RAPH1: variants seen among roughly 807,000 people sequenced by gnomAD.
RAPH1 encodes the protein ras-associated and pleckstrin homology domains-containing protein 1.
Under a neutral mutation model 88.1 loss-of-function variants are expected in RAPH1, and 18 were observed. The ratio of observed to expected loss-of-function variants is 0.20; its 90% CI spans 0.14 to 0.30. The LOEUF is 0.30. Among genes scored for constraint, RAPH1 ranks in the 10% least tolerant of loss-of-function variants. RAPH1 has a pLI of 1.00. For synonymous variants in RAPH1, 587 were observed against 559.0 expected, an observed-to-expected ratio of 1.05 and a Z score of -0.71; for missense variants, 1,448 against 1,543.2, an observed-to-expected ratio of 0.94 and a Z score of 1.03.
At chr2:203,492,730 A>G (rs190076341) in intron 2 of RAPH1, among the ~76,000 whole-genome samples, 7 of 152,304 alleles carry the variant, frequency 4.6e-5, no homozygotes, top group Admixed American at 3.9e-4. Context: ...ACAAGCTTCA[A>G]ATTTTAAAAG....
intron 4 of RAPH1, among the ~76,000 whole-genome samples, chr2:203,468,387 TTTCC>T (rs2098530319): frequency 6.6e-6 from 1 of 152,168 alleles, no homozygotes; most frequent in Non-Finnish European, 1.5e-5. Context: ...GCCAAGCTCT[TTTCC>T]TTGACTTATG....
intron 1 of RAPH1, among the ~76,000 whole-genome samples, chr2:203,528,995 ATATATATATATTTTTT>A (rs1690252255): frequency 1.3e-5 from 1 of 79,538 alleles, no homozygotes; most frequent in African/African-American, 6.8e-5. Flanking sequence ...ATATATATAT[ATATATATATATTTTTT>A]TTTTTTTTTT....
At chr2:203,477,021 T>C (rs933736559) in intron 4 of RAPH1, 13 of 1,227,862 alleles carry the variant, frequency 1.1e-5, no homozygotes, top group Non-Finnish European at 1.4e-5. Context: ...TTTGGAGGTC[T>C]AATGAATGCA....
Position 203,533,109 on chromosome 2 carries a change from TAA to T in RAPH1, c.-1+2000_-1+2001del, listed in dbSNP as rs553847543. 8.7e-4 allele frequency among the ~76,000 whole-genome samples: 133 copies of T among 152,160 alleles called. 2 individuals are homozygous for T. The highest frequency in any genetic ancestry group is 1.3e-3 in the African/African-American group (54 of 41,514). On this transcript the variant is annotated intron_variant, in intron 1 of 13. Transcript: ENST00000319170. ...TGGTTAAAAACACCTCTTTGGAAAATAAAGAGTTAAATATTTGTGAAAACACA... is the reference window on the plus strand; with the variant it reads ...TGGTTAAAAACACCTCTTTGGAAAATAGAGTTAAATATTTGTGAAAACACA...
intron 1 of RAPH1, among the ~76,000 whole-genome samples, chr2:203,506,822 A>ATATATATATATC (rs1553630479): frequency 1.5e-5 from 1 of 66,656 alleles, no homozygotes; most frequent in African/African-American, 7.3e-5. Context: ...CTATATATCT[A>ATATATATATATC]TATATATATC....
At chr2:203,512,503 A>G (rs1213437522) in intron 1 of RAPH1, among the ~76,000 whole-genome samples, 4 of 152,170 alleles carry the variant, frequency 2.6e-5, no homozygotes, top group Non-Finnish European at 4.4e-5. Flanking sequence ...AATGGAAGTA[A>G]GATAGAATTT....
At chr2:203,481,716 C>G in intron 4 of RAPH1, among the ~76,000 whole-genome samples, 1 of 150,100 alleles carries the variant, frequency 6.7e-6, no homozygotes. Flanking sequence ...CTCAGCCTCC[C>G]GAGTAGCTGG....
At chr2:203,461,597 A>C (rs977944095) in intron 5 of RAPH1, among the ~76,000 whole-genome samples, 189 bp from the exon 6 acceptor site, 1 of 152,270 alleles carries the variant, frequency 6.6e-6, no homozygotes, top group East Asian at 1.9e-4. Context: ...AATTTAAAGC[A>C]TTTTAAAAAT....
At chr2:203,506,469 G>A (rs1689002016) in intron 1 of RAPH1, among the ~76,000 whole-genome samples, 1 of 151,466 alleles carries the variant, frequency 6.6e-6, no homozygotes, top group Non-Finnish European at 1.5e-5. Context: ...AGTGAGCAGA[G>A]ATCGTGCCAC....
chr2:203,457,343 C>A (rs1403903979), intron 8 of RAPH1, among the ~76,000 whole-genome samples, 187 bp downstream of exon 8: 5 of 151,932 alleles, frequency 3.3e-5, no homozygotes, highest in Admixed American at 6.6e-5. Context: ...CCCACCACCA[C>A]GCCTGGCTAA....
chr2:203,523,533 T>C (rs1689987520), intron 1 of RAPH1, among the ~76,000 whole-genome samples: 1 of 151,902 alleles, frequency 6.6e-6, no homozygotes, highest in African/African-American at 2.4e-5. Context: ...AAATGGATTG[T>C]AGACTAAAAT....
At chr2:203,493,971 C>CAAAAAAAAAAAAAAAAAAAAAAA (rs397937732) in intron 2 of RAPH1, among the ~76,000 whole-genome samples, 2 of 18,964 alleles carry the variant, frequency 1.1e-4, no homozygotes, top group South Asian at 2.8e-3. Flanking sequence ...GACTCTATCT[C>CAAAAAAAAAAAAAAAAAAAAAAA]AAAAAAAAAA....
intron 1 of RAPH1, among the ~76,000 whole-genome samples, chr2:203,523,732 A>G (rs1165008278): frequency 2.0e-5 from 3 of 151,868 alleles, no homozygotes; most frequent in Non-Finnish European, 2.9e-5. Flanking sequence ...CACGGCCAGG[A>G]GCAGTGGCTC....
chr2:203,451,752 C>A (rs1438095560), intron 10 of RAPH1, among the ~76,000 whole-genome samples: 1 of 152,214 alleles, frequency 6.6e-6, no homozygotes, highest in Non-Finnish European at 1.5e-5. Context: ...CTCCTCCCCA[C>A]TTCTTTCCTG....
chr2:203,503,585 ACACAGCCAAACCATAT>A (rs1275428192), intron 1 of RAPH1, among the ~76,000 whole-genome samples: 1 of 152,178 alleles, frequency 6.6e-6, no homozygotes, highest in African/African-American at 2.4e-5. Flanking sequence ...TTGGGTGGGG[ACACAGCCAAACCATAT>A]CATTTGGCCC....
chr2:203,490,951 G>A (rs1213670040), intron 3 of RAPH1, among the ~76,000 whole-genome samples: 1 of 151,634 alleles, frequency 6.6e-6, no homozygotes, highest in Admixed American at 6.6e-5. Flanking sequence ...GGCTGGGGCA[G>A]GAGAATCGCT....
intron 1 of RAPH1, among the ~76,000 whole-genome samples, chr2:203,526,244 T>G (rs1001841787): frequency 6.6e-6 from 1 of 152,202 alleles, no homozygotes; most frequent in African/African-American, 2.4e-5. Context: ...GTTTTATTAC[T>G]GTATGTGTTG....
At chr2:203,458,441 A>T (rs1164315568) in intron 7 of RAPH1, among the ~76,000 whole-genome samples, 1 of 152,178 alleles carries the variant, frequency 6.6e-6, no homozygotes, top group Non-Finnish European at 1.5e-5. Context: ...TGTTGTCCAT[A>T]GGAGATTGAT....
rs1338846107 is a variant in RAPH1 at position 203,434,421 on chromosome 2, T to G, written c.*5016A>C. 6.6e-6 allele frequency: 1 copy of G among 152,632 alleles called. No homozygotes were observed. The highest frequency in any genetic ancestry group is 1.9e-4 in the East Asian group (1 of 5,196). 9.5% of individuals were successfully genotyped at this position (152,632 alleles called of 1,614,324 possible). A position where few individuals can be genotyped will look rare whatever the true frequency, so the allele number is the denominator to read the frequency against. On this transcript the variant is annotated 3_prime_UTR_variant, in exon 14 of 14. Transcript: ENST00000319170. ...ATTCCCCTTTAACAGTAAACAATGT[T>G]TTTAAAACACTTAGCACAAGCTAAT...
Sources: allele counts gnomAD v4.1 joint callset (sites outside exome capture counted in the v4.1 genomes callset), GRCh38; gene constraint gnomAD v4.1.1; transcripts MANE v1.5; gene names NCBI Gene and HGNC (gene_info 2026-07-23, HGNC 2026-07-21).